The following TASOR2 variants were observed in gnomAD, a reference collection of about 807,000 sequenced individuals.
TASOR2 encodes the protein protein TASOR 2.
In TASOR2, 84 loss-of-function variants were observed where a neutral mutation model predicts 199.5. That is an observed-to-expected ratio of 0.42 (90% CI 0.35 to 0.50). The LOEUF is 0.50. Ranked by LOEUF, TASOR2 falls within the 20% of genes least tolerant of loss-of-function variation. The probability of loss-of-function intolerance (pLI) is 0.02; values close to 1 mark genes in which losing one functional copy is unlikely to be tolerated. For synonymous variants in TASOR2, 1,103 were observed against 1,046.6 expected (o/e 1.05, Z -1.04); for missense variants, 2,796 against 2,835.9 (o/e 0.99, Z 0.32).
Position 5,740,537 on chromosome 10 carries a change from T to C in TASOR2, c.2327+40T>C. The C allele has an allele frequency of 6.3e-7, 1 of 1,580,762 alleles. No individual in the cohort carries two copies. The highest frequency in any genetic ancestry group is 8.6e-7 in the Non-Finnish European group (1 of 1,166,594). On this transcript the variant is annotated intron_variant, in intron 13 of 20. Coordinates refer to ENST00000328090, the Ensembl canonical transcript of TASOR2. This position sits in a 1 kb window ranked among gnomAD's most constrained non-coding sequence, Gnocchi z 5.3. ...AACTTAGTGAAAATGGATGAAACTT[T>C]TCTGTTGAGATGAATGTAGTGAGAT...
Position 5,730,544 on chromosome 10 carries a change from C to G in TASOR2, c.545C>G (p.Ser182Cys). Residue 182 changes from serine (S) to cysteine (C), a missense_variant, in exon 11 of 21, where the codon TCT becomes TGT. Around this residue, in one of 3 missense-constraint regions of TASOR2, gnomAD observed 847 missense variants for 887.4 expected, o/e 0.95. Coordinates refer to ENST00000328090, the Ensembl canonical transcript of TASOR2. The surrounding 1 kb of genome is among the most constrained non-coding windows in gnomAD (Gnocchi z 4.1). ...TCAATGAAGGTGATACCTATTTTAT[C>G]TACCCTTAATTGTGCCCTGCTAGAA... 1 of 1,613,182 alleles carries G rather than the reference C, an allele frequency of 6.2e-7. No individual in the cohort carries two copies. The highest frequency in any genetic ancestry group is 1.3e-5 in the African/African-American group (1 of 74,970).
chr10:5,753,741 T>C (rs1343036156), intron 15 of TASOR2, among the ~76,000 whole-genome samples: 1 of 152,192 alleles, frequency 6.6e-6, no homozygotes, highest in East Asian at 1.9e-4. Context: ...TTCCTTGCCA[T>C]TTCGGTAAGC....
intron 10 of TASOR2, 67 bp downstream of exon 11, chr10:5,727,190 C>G: frequency 6.6e-7 from 1 of 1,523,504 alleles, no homozygotes; most frequent in Admixed American, 1.7e-5. Flanking sequence ...CTGACTTGAC[C>G]TCTCAGCAGC....
chr10:5,749,817 C>G, exon 15 of TASOR2: 1 of 1,614,052 alleles, frequency 6.2e-7, no homozygotes, highest in Non-Finnish European at 8.5e-7. Flanking sequence ...TTTTCCAAGA[C>G]AAAGAGCTAA....
At chr10:5,708,892 G>A (rs1564272981) in intron 1 of TASOR2, among the ~76,000 whole-genome samples, 1 of 151,894 alleles carries the variant, frequency 6.6e-6, no homozygotes, top group Non-Finnish European at 1.5e-5. Flanking sequence ...TATAGAGGTG[G>A]GGTCTCACTT....
chr10:5,754,504 C>T lies in TASOR2; in HGVS notation c.6607-2109C>T, dbSNP rs935181864. On this transcript the variant is annotated intron_variant, in intron 15 of 20. Coordinates refer to ENST00000328090, the Ensembl canonical transcript of TASOR2. The surrounding 1 kb of genome is among the most constrained non-coding windows in gnomAD (Gnocchi z 4.3). ...TTCTGGTTTCAAGTGATTCTCCTGC[C>T]TCACCTTCTCGAATAGCTGGGATTA... Among the ~76,000 whole-genome samples the T allele has an allele frequency of 2.0e-5, 3 of 151,976 alleles. No homozygotes were observed. The highest frequency in any genetic ancestry group is 7.3e-5 in the African/African-American group (3 of 41,372).
At chr10:5,726,669 T>C (rs1834094319) in intron 8 of TASOR2, among the ~76,000 whole-genome samples, 1 of 152,254 alleles carries the variant, frequency 6.6e-6, no homozygotes, top group Non-Finnish European at 1.5e-5. Context: ...TAACCTTTCA[T>C]GTTCTGGTTA....
chr10:5,749,234 T>C (rs748933926), exon 15 of TASOR2: 2 of 1,614,108 alleles, frequency 1.2e-6, no homozygotes, highest in Admixed American at 3.3e-5. Context: ...AAAGATACCA[T>C]GAGAACTTCA....
chr10:5,744,718 G>A (rs1365100930), intron 14 of TASOR2, among the ~76,000 whole-genome samples: 6 of 151,384 alleles, frequency 4.0e-5, no homozygotes, highest in African/African-American at 7.3e-5. Context: ...TGCAGCCTCC[G>A]CCTCCCGGGT....
chr10:5,761,296 T>C, exon 19 of TASOR2: 1 of 1,611,888 alleles, frequency 6.2e-7, no homozygotes, highest in South Asian at 1.1e-5. Flanking sequence ...ACAGAGTGGA[T>C]TCAACTGCAC....
In TASOR2 at chr10:5,748,010, C is replaced by T; in HGVS notation, c.4589C>T (p.Ser1530Leu). The T allele has an allele frequency of 3.4e-6, 5 of 1,461,322 alleles. No homozygotes were observed. The highest frequency in any genetic ancestry group is 4.3e-6 in the Non-Finnish European group (5 of 1,157,560). 90.5% of individuals were successfully genotyped at this position (1,461,322 alleles called of 1,614,324 possible). A position where few individuals can be genotyped will look rare whatever the true frequency, so the allele number is the denominator to read the frequency against. Reference sequence around the variant, plus strand: ...GGTAGGGAGTTAAACCAGCCTGCCTCAGCTGCCAAATGCACAGGTGACTTC... The same window carrying T: ...GGTAGGGAGTTAAACCAGCCTGCCTTAGCTGCCAAATGCACAGGTGACTTC... The change falls in exon 15 of 21, where the codon TCA becomes TTA. Residue 1530 changes from serine to leucine, a missense_variant. Physicochemically the swap from Ser to Leu is moderately radical, Grantham distance 145. This residue lies in a region of TASOR2 where 1,941 missense variants were observed against 1,924.9 expected (regional missense o/e 1.01). Coordinates refer to ENST00000328090, the Ensembl canonical transcript of TASOR2. This position sits in a 1 kb window ranked among gnomAD's most constrained non-coding sequence, Gnocchi z 5.1.
At chr10:5,759,259 A>G (rs1207302040) in intron 18 of TASOR2, among the ~76,000 whole-genome samples, 1 of 152,196 alleles carries the variant, frequency 6.6e-6, no homozygotes, top group East Asian at 1.9e-4. Context: ...AAGCCCTACT[A>G]CTACAAACTT....
Position 5,740,967 on chromosome 10 carries a change from G to A in TASOR2, c.2327+470G>A, listed in dbSNP as rs1271761000. 6.6e-6 allele frequency among the ~76,000 whole-genome samples: 1 copy of A among 152,224 alleles called. No homozygotes were observed. The highest frequency in any genetic ancestry group is 2.4e-5 in the African/African-American group (1 of 41,458). ...TCTCCCTTAAGAAGGAATCAAGTCA[G>A]TAATAACAGAGTGGTGAACAGCACA... is the stretch of plus-strand genomic sequence containing the variant. On this transcript the variant is annotated intron_variant, in intron 13 of 20. Transcript: ENST00000328090. This position sits in a 1 kb window ranked among gnomAD's most constrained non-coding sequence, Gnocchi z 5.3.
rs774793437 is a variant in TASOR2, at chr10:5,735,348, G to T, written c.1249G>T (p.Asp417Tyr). The change falls in exon 12 of 21, where the codon GAT becomes TAT. Residue 417 changes from aspartate to tyrosine, a missense_variant. Physicochemically the swap from Asp to Tyr is radical, Grantham distance 160. Coordinates refer to ENST00000328090, the Ensembl canonical transcript of TASOR2. ...ACAGTTTGTACAGAAAACCAAATTG[G>T]ATAGGAAAAACCAAGAAGCTCCTAT... The T allele has an allele frequency of 2.5e-6, 4 of 1,613,990 alleles. No individual in the cohort carries two copies. The African/African-American group carries it at 4.0e-5, about 16-fold the overall frequency.
chr10:5,694,515 T>C (rs915974204), intron 1 of TASOR2, among the ~76,000 whole-genome samples: 1 of 152,206 alleles, frequency 6.6e-6, no homozygotes, highest in Non-Finnish European at 1.5e-5. Context: ...TATTGATAAG[T>C]GTGCAGAAGA....
chr10:5,735,190 C>T (rs1835400559), intron 11 of TASOR2, 114 bp from the exon 13 acceptor site: 1 of 1,214,166 alleles, frequency 8.2e-7, no homozygotes, highest in South Asian at 1.5e-5. Context: ...GTTTATTCCC[C>T]ATTACTAAAG....
At chr10:5,694,612 T>C (rs12572339) in intron 1 of TASOR2, among the ~76,000 whole-genome samples, 10,241 of 152,268 alleles carry the variant, frequency 0.067, 945 homozygotes, top group East Asian at 0.44. Context: ...CTGAATAATT[T>C]ATGGTAGGAC....
intron 20 of TASOR2, 172 bp downstream of exon 21, chr10:5,762,818 C>A: frequency 1.6e-6 from 1 of 630,526 alleles, no homozygotes; most frequent in Non-Finnish European, 2.8e-6. Flanking sequence ...ATAGGAATTC[C>A]TAAATTATCA....
Position 5,748,239 on chromosome 10 carries a change from ACAG to A in TASOR2, c.4822_4824del (p.Gln1608del), listed in dbSNP as rs778725470. On this transcript the variant is annotated inframe_deletion, in exon 15 of 21. Transcript: ENST00000328090. This position sits in a 1 kb window ranked among gnomAD's most constrained non-coding sequence, Gnocchi z 5.1. ...GTGGTATAGTGAATGTGTCAGTAAA[ACAG>A]CAGACTAGCCCTAAAAGCAGTCAGA... 1.1e-5 allele frequency: 18 copies of A among 1,614,188 alleles called. No individual in the cohort carries two copies. The highest frequency in any genetic ancestry group is 1.5e-5 in the Non-Finnish European group (18 of 1,180,030).
Sources: gnomAD v4.1 joint callset for allele counts (sites outside exome capture counted in the v4.1 genomes callset) on GRCh38, gnomAD v4.1.1 for gene constraint, gnomAD v4.1.1 regional missense constraint, Gnocchi (gnomAD v3.1) non-coding constraint, MANE v1.5 for transcripts, NCBI Gene and HGNC (gene_info 2026-07-23, HGNC 2026-07-21) for gene names.